FAAH2: variants seen among roughly 807,000 people sequenced by gnomAD.
FAAH2 encodes the protein fatty acid amide hydrolase 2.
In FAAH2, 60 loss-of-function variants were observed where a neutral mutation model predicts 36.9. The observed-to-expected ratio is 1.63, with a 90% CI of 1.32 to 2.02. FAAH2 has a LOEUF of 2.02. Among genes scored for constraint, FAAH2 ranks in the 30% most tolerant of loss-of-function variants. The pLI is 0.00. For synonymous variants in FAAH2, 214 were observed against 143.8 expected, an observed-to-expected ratio of 1.49 and a Z score of -3.49; for missense variants, 689 against 397.5, an observed-to-expected ratio of 1.73 and a Z score of -6.23.
At chrX:57,430,294 C>A (rs759751402) in intron 7 of FAAH2, among the ~76,000 whole-genome samples, 46 of 111,769 alleles carry the variant, frequency 4.1e-4, no homozygotes, top group Non-Finnish European at 8.1e-4. Context: ...CAGTTCAGGA[C>A]CTGTGTCCAA....
chrX:57,469,022 T>A (rs5915037), intron 10 of FAAH2, among the ~76,000 whole-genome samples: 1 of 110,423 alleles, frequency 9.1e-6, no homozygotes, highest in Non-Finnish European at 1.9e-5. Flanking sequence ...AAGGAGAAAT[T>A]AAATCCTTTA....
At chrX:57,222,919 C>G in the FAAH2 span, among the ~76,000 whole-genome samples, 1 of 111,127 alleles carries the variant, frequency 9.0e-6, no homozygotes. Context: ...TAGTGTCACC[C>G]CACACACACA....
upstream of FAAH2, among the ~76,000 whole-genome samples, chrX:57,285,637 G>A (rs1321579119): frequency 8.9e-6 from 1 of 111,795 alleles, no homozygotes. Context: ...GAAAGCAGAT[G>A]CAAAGATAAG....
the FAAH2 span, among the ~76,000 whole-genome samples, chrX:57,149,875 C>A: frequency 9.0e-6 from 1 of 111,548 alleles, no homozygotes; most frequent in Non-Finnish European, 1.9e-5. Context: ...TGGATCCTTC[C>A]TCCTTTCTCT....
the FAAH2 span, among the ~76,000 whole-genome samples, chrX:57,189,005 G>A: frequency 9.0e-6 from 1 of 111,382 alleles, no homozygotes; most frequent in African/African-American, 3.3e-5. Context: ...CATTCTCCCA[G>A]TCACGTTCAG....
intron 4 of FAAH2, 104 bp from the exon 5 acceptor site, chrX:57,341,167 G>T: frequency 1.2e-6 from 1 of 829,128 alleles, no homozygotes; most frequent in Non-Finnish European, 1.7e-6. Context: ...ACTCACTTTG[G>T]ATCTAAAGAC....
chrX:57,161,750 G>A, the FAAH2 span, among the ~76,000 whole-genome samples: 347 of 111,674 alleles, frequency 3.1e-3, 13 homozygotes, highest in Non-Finnish European at 3.2e-3. Context: ...GAGCCTATGT[G>A]TGTCTCTGCA....
At chrX:57,186,434 TTA>T in the FAAH2 span, among the ~76,000 whole-genome samples, 1 of 112,076 alleles carries the variant, frequency 8.9e-6, no homozygotes, top group East Asian at 2.8e-4. Flanking sequence ...GTAAATTTGT[TTA>T]AGTTCCTTTT....
chrX:57,203,753 G>A, the FAAH2 span, among the ~76,000 whole-genome samples: 1 of 111,995 alleles, frequency 8.9e-6, no homozygotes, highest in African/African-American at 3.2e-5. Context: ...CCAGTTCCTG[G>A]CATTAAGGTC....
chrX:57,225,236 G>T, the FAAH2 span, among the ~76,000 whole-genome samples: 911 of 110,847 alleles, frequency 8.2e-3, 8 homozygotes, highest in Non-Finnish European at 0.013. Flanking sequence ...ACCTTATATT[G>T]TCTGTATGCA....
At chrX:57,484,741 AG>A (rs2057443560) in intron 10 of FAAH2, among the ~76,000 whole-genome samples, 1 of 111,214 alleles carries the variant, frequency 9.0e-6, no homozygotes, top group African/African-American at 3.3e-5. Flanking sequence ...TAAGCTAGTT[AG>A]GTTAGTCTGA....
chrX:57,136,983 G>A, the FAAH2 span: 3 of 898,184 alleles, frequency 3.3e-6, no homozygotes, highest in Non-Finnish European at 2.8e-6. Flanking sequence ...GGTGCTGTCT[G>A]TAACCCCCAC....
the FAAH2 span, among the ~76,000 whole-genome samples, chrX:57,227,363 C>G: frequency 1.8e-5 from 2 of 111,395 alleles, no homozygotes; most frequent in East Asian, 5.7e-4. Context: ...GTACTCTCCC[C>G]CTTTTCGTGT....
At chrX:57,163,469 G>A in the FAAH2 span, among the ~76,000 whole-genome samples, 2 of 111,746 alleles carry the variant, frequency 1.8e-5, no homozygotes, top group African/African-American at 3.2e-5. Flanking sequence ...CCTCGCTGCC[G>A]CCTTGCAGTT....
the FAAH2 span, among the ~76,000 whole-genome samples, chrX:57,201,128 A>G: frequency 9.1e-6 from 1 of 109,693 alleles, no homozygotes; most frequent in Non-Finnish European, 1.9e-5. Context: ...TTCACTTAAA[A>G]GTCTGTTGCC....
the FAAH2 span, among the ~76,000 whole-genome samples, chrX:57,218,308 C>A: frequency 9.0e-6 from 1 of 111,487 alleles, no homozygotes; most frequent in East Asian, 2.8e-4. Flanking sequence ...TCAACTTTTC[C>A]CCATTCAGTA....
chrX:57,158,560 T>C, the FAAH2 span, among the ~76,000 whole-genome samples: 1 of 112,254 alleles, frequency 8.9e-6, no homozygotes, highest in African/African-American at 3.2e-5. Flanking sequence ...TGAGATGGTA[T>C]CTCACTGTGG....
chrX:57,362,350 C>T (rs181952701), intron 5 of FAAH2, among the ~76,000 whole-genome samples: 7 of 110,341 alleles, frequency 6.3e-5, no homozygotes, highest in South Asian at 4.0e-4. Flanking sequence ...TGGGGCCTGT[C>T]GGTGGGTGGG....
At chrX:57,402,026 A>C (rs1319203080) in intron 7 of FAAH2, among the ~76,000 whole-genome samples, 2 of 111,404 alleles carry the variant, frequency 1.8e-5, no homozygotes, top group Non-Finnish European at 3.8e-5. Flanking sequence ...GTTGTCCGGG[A>C]CAGGAGAGTA....
Sources: gnomAD v4.1 joint callset for allele counts (sites outside exome capture counted in the v4.1 genomes callset) on GRCh38, gnomAD v4.1.1 for gene constraint, MANE v1.5 for transcripts, NCBI Gene and HGNC (gene_info 2026-07-23, HGNC 2026-07-21) for gene names.